The following RIMS2 variants were observed in gnomAD, a reference collection of about 807,000 sequenced individuals.
RIMS2 encodes regulating synaptic membrane exocytosis protein 2.
In RIMS2, 59 loss-of-function variants were observed where a neutral mutation model predicts 174.4. That is an observed-to-expected ratio of 0.34 (90% CI 0.27 to 0.42). The LOEUF (loss-of-function observed/expected upper bound fraction) is 0.42, where lower values mean the gene tolerates loss of function less well. RIMS2 is among the 10% of genes least tolerant of loss of function. The pLI is 1.00. For missense variants in RIMS2, 1,620 were observed against 1,666.3 expected, an observed-to-expected ratio of 0.97 and a Z score of 0.48; for synonymous variants, 606 against 572.5, an observed-to-expected ratio of 1.06 and a Z score of -0.84.
At chr8:104,058,383 G>T (rs2096913362) in intron 19 of RIMS2, among the ~76,000 whole-genome samples, 1 of 149,616 alleles carries the variant, frequency 6.7e-6, no homozygotes, top group Non-Finnish European at 1.5e-5. Context: ...AGAAGTGTCT[G>T]TTCATATCCT....
intron 19 of RIMS2, among the ~76,000 whole-genome samples, chr8:104,235,849 A>G (rs1053834913): frequency 3.3e-5 from 5 of 152,116 alleles, no homozygotes; most frequent in Non-Finnish European, 7.4e-5. Context: ...TCTCATATTC[A>G]TTCCGTATCC....
intron 19 of RIMS2, among the ~76,000 whole-genome samples, chr8:104,100,796 T>A (rs35485153): frequency 7.0e-6 from 1 of 142,848 alleles, no homozygotes; most frequent in African/African-American, 2.6e-5. Context: ...CAATTTCCTG[T>A]TATATATATA....
intron 3 of RIMS2, among the ~76,000 whole-genome samples, chr8:103,825,446 A>ATTTTTTTTTTTT (rs35460743): frequency 7.6e-6 from 1 of 131,850 alleles, no homozygotes; most frequent in Non-Finnish European, 1.6e-5. Flanking sequence ...TGGCTAGCTA[A>ATTTTTTTTTTTT]TTTTTTTTTT....
At chr8:103,659,049 T>C (rs565812753) in intron 1 of RIMS2, among the ~76,000 whole-genome samples, 2 of 152,308 alleles carry the variant, frequency 1.3e-5, no homozygotes, top group South Asian at 4.1e-4. Flanking sequence ...GAAGAGTCCT[T>C]GAGGATATTT....
intron 19 of RIMS2, among the ~76,000 whole-genome samples, chr8:104,051,798 T>C (rs1204695402): frequency 6.6e-6 from 1 of 152,048 alleles, no homozygotes; most frequent in African/African-American, 2.4e-5. Context: ...ATAAGTAAAA[T>C]TGAGAAAAAA....
At chr8:103,849,399 G>A (rs1243134895) in intron 3 of RIMS2, among the ~76,000 whole-genome samples, 1 of 152,078 alleles carries the variant, frequency 6.6e-6, no homozygotes, top group Non-Finnish European at 1.5e-5. Flanking sequence ...TCTTTAAGGA[G>A]GTGATGGAAG....
chr8:103,916,299 A>G (rs777160097), intron 7 of RIMS2, 115 bp from the exon 11 acceptor site: 44 of 655,078 alleles, frequency 6.7e-5, no homozygotes, highest in Non-Finnish European at 9.7e-5. Flanking sequence ...TATGTTTCGT[A>G]TTGTATAATG....
intron 1 of RIMS2, among the ~76,000 whole-genome samples, chr8:103,641,136 G>A (rs534348925): frequency 1.4e-4 from 22 of 151,994 alleles, no homozygotes; most frequent in Non-Finnish European, 2.8e-4. Flanking sequence ...TTGCTCTAAA[G>A]TTGGCTTTGT....
intron 1 of RIMS2, among the ~76,000 whole-genome samples, chr8:103,623,795 T>G (rs2430757): frequency 0.68 from 89,777 of 131,568 alleles, 27,012 homozygotes; most frequent in East Asian, 0.88. Flanking sequence ...GGTCTCTTCA[T>G]TTTTTTTTTT....
At chr8:103,663,737 C>G (rs2096632757) in intron 1 of RIMS2, among the ~76,000 whole-genome samples, 1 of 152,136 alleles carries the variant, frequency 6.6e-6, no homozygotes, top group African/African-American at 2.4e-5. Flanking sequence ...AATGGTATCC[C>G]CATCAAGCTA....
chr8:103,611,858 A>C (rs191784935), intron 1 of RIMS2, among the ~76,000 whole-genome samples: 2 of 151,930 alleles, frequency 1.3e-5, no homozygotes, highest in Admixed American at 1.3e-4. Context: ...CTTTTCAATA[A>C]ACTTTCTATC....
intron 1 of RIMS2, among the ~76,000 whole-genome samples, chr8:103,597,615 C>A (rs1253069236): frequency 6.6e-6 from 1 of 152,118 alleles, no homozygotes; most frequent in Non-Finnish European, 1.5e-5. Context: ...TTATCCCTCT[C>A]CTTTGAACTC....
intron 16 of RIMS2, 164 bp downstream of exon 18, chr8:103,975,670 G>A: frequency 1.9e-6 from 1 of 521,684 alleles, no homozygotes; most frequent in Non-Finnish European, 3.4e-6. Flanking sequence ...TCTGCAAGCT[G>A]GGGAAGGGAG....
chr8:103,669,288 G>T (rs751848354), intron 1 of RIMS2, among the ~76,000 whole-genome samples: 2 of 152,128 alleles, frequency 1.3e-5, no homozygotes, highest in Admixed American at 6.5e-5. Context: ...TCTCCCCCTG[G>T]GTTCTTCCCA....
chr8:103,730,296 G>A lies in RIMS2; in HGVS notation c.387+33000G>A, dbSNP rs186525203. On this transcript the variant is annotated intron_variant, in intron 2 of 23. Coordinates refer to ENST00000504942, the Ensembl canonical transcript of RIMS2. ...TATTTGCAATTGTTATATATATAGA[G>A]GACCTCTAATAATATTTGCCTTCTA... Among the ~76,000 whole-genome samples the A allele has an allele frequency of 6.6e-5, 10 of 150,830 alleles. No homozygotes were observed. In the East Asian group the frequency reaches 2.0e-3, roughly 29 times the overall value.
intron 19 of RIMS2, among the ~76,000 whole-genome samples, chr8:104,176,236 T>C (rs1421939962): frequency 6.6e-6 from 1 of 152,182 alleles, no homozygotes; most frequent in Non-Finnish European, 1.5e-5. Flanking sequence ...TTTGCCTGTA[T>C]CTCCAGCTGT....
chr8:103,908,582 A>G (rs756247902), intron 4 of RIMS2, among the ~76,000 whole-genome samples: 36 of 152,134 alleles, frequency 2.4e-4, no homozygotes, highest in Admixed American at 1.2e-3. Context: ...TCCATCTCAT[A>G]AATTTTTTCT....
chr8:103,511,085 A>G (rs1005176076), intron 1 of RIMS2, among the ~76,000 whole-genome samples: 28 of 152,142 alleles, frequency 1.8e-4, no homozygotes, highest in Non-Finnish European at 4.0e-4. Context: ...ATTGCCTTCA[A>G]AGTGCCGCCA....
chr8:103,566,256 G>A (rs551549403), intron 1 of RIMS2, among the ~76,000 whole-genome samples: 8 of 152,178 alleles, frequency 5.3e-5, no homozygotes, highest in Non-Finnish European at 1.2e-4. Context: ...TCCTGTAGCT[G>A]GTTTCTGTGT....
Sources: gnomAD v4.1 joint callset for allele counts (sites outside exome capture counted in the v4.1 genomes callset) on GRCh38, gnomAD v4.1.1 for gene constraint, MANE v1.5 for transcripts, NCBI Gene and HGNC (gene_info 2026-07-23, HGNC 2026-07-21) for gene names.